Variants in CDRT4 observed in about 807,000 individuals in gnomAD.
CDRT4 encodes the protein CMT1A duplicated region transcript 4.
For missense variants in CDRT4, 167 were observed against 193.1 expected, an observed-to-expected ratio of 0.87 and a Z score of 0.80; for synonymous variants, 64 against 69.6, an observed-to-expected ratio of 0.92 and a Z score of 0.40.
chr17:15,451,939 C>G (rs1041297967), intron 2 of CDRT4, among the ~76,000 whole-genome samples: 1 of 152,222 alleles, frequency 6.6e-6, no homozygotes, highest in African/African-American at 2.4e-5. Flanking sequence ...TGTCCCCAGG[C>G]TCTTGGGTCA....
chr17:15,456,563 TACACACACAC>T (rs3029212), intron 1 of CDRT4, among the ~76,000 whole-genome samples: 1 of 145,612 alleles, frequency 6.9e-6, no homozygotes, highest in Admixed American at 6.8e-5. Context: ...AATCTTCCTT[TACACACACAC>T]ACACACACAC....
chr17:15,443,212 A>T (rs1312747516), intron 2 of CDRT4, among the ~76,000 whole-genome samples: 1 of 152,114 alleles, frequency 6.6e-6, no homozygotes, highest in Non-Finnish European at 1.5e-5. Context: ...CTCAGTTGTC[A>T]CTTACAAAAT....
intron 1 of CDRT4, among the ~76,000 whole-genome samples, chr17:15,459,201 T>C (rs1979626085): frequency 6.6e-6 from 1 of 152,120 alleles, no homozygotes; most frequent in African/African-American, 2.4e-5. Context: ...TCTAAAACTT[T>C]TTTTGCAGAA....
chr17:15,465,103 A>C (rs1979948294), intron 1 of CDRT4, among the ~76,000 whole-genome samples: 1 of 144,764 alleles, frequency 6.9e-6, no homozygotes, highest in Non-Finnish European at 1.5e-5. Context: ...ACACAGACAC[A>C]CACCAACACA....
At chr17:15,453,837 C>T (rs1407816940) in intron 1 of CDRT4, among the ~76,000 whole-genome samples, 8 of 152,160 alleles carry the variant, frequency 5.3e-5, no homozygotes, top group East Asian at 1.9e-4. Flanking sequence ...CAGAAGCCTC[C>T]GTGTTCTTAT....
At chr17:15,438,595 T>A (rs1303334433) in intron 3 of CDRT4, among the ~76,000 whole-genome samples, 1 of 152,224 alleles carries the variant, frequency 6.6e-6, no homozygotes, top group Non-Finnish European at 1.5e-5. Context: ...ATGGGTTCTG[T>A]ACTTGTCTGC....
intron 1 of CDRT4, among the ~76,000 whole-genome samples, chr17:15,465,807 G>GA (rs1396107392): frequency 2.0e-5 from 3 of 152,340 alleles, no homozygotes; most frequent in Middle Eastern, 3.4e-3. Flanking sequence ...GGAAGAGGGG[G>GA]AGGGAGCCTG....
At chr17:15,465,142 C>T (rs1254994323) in intron 1 of CDRT4, among the ~76,000 whole-genome samples, 1 of 132,538 alleles carries the variant, frequency 7.5e-6, no homozygotes, top group Non-Finnish European at 1.5e-5. Context: ...GATACAAACA[C>T]AGACACACCA....
At chr17:15,443,981 T>C (rs574391206) in intron 2 of CDRT4, 2 of 724,080 alleles carry the variant, frequency 2.8e-6, no homozygotes, top group South Asian at 2.8e-5. Flanking sequence ...ATTTCTTGGG[T>C]GAAAAATACA....
intron 1 of CDRT4, among the ~76,000 whole-genome samples, chr17:15,456,218 A>G (rs1979474237): frequency 6.6e-6 from 1 of 152,152 alleles, no homozygotes; most frequent in Non-Finnish European, 1.5e-5. Flanking sequence ...CCCTTCCAAC[A>G]AAGCAGATTT....
chr17:15,440,061 AC>A, intron 3 of CDRT4, 146 bp downstream of exon 3: 2 of 633,922 alleles, frequency 3.2e-6, no homozygotes, highest in Non-Finnish European at 4.8e-6. Context: ...CACGTTGTGC[AC>A]ATGTACCCTA....
chr17:15,452,711 T>TC (rs1253006017), intron 2 of CDRT4: 1 of 152,226 alleles, frequency 6.6e-6, no homozygotes, highest in Non-Finnish European at 1.5e-5. Context: ...CCAGGACGGC[T>TC]CCAGTGATAC....
chr17:15,448,658 G>A (rs778101667), intron 2 of CDRT4, among the ~76,000 whole-genome samples: 3 of 152,164 alleles, frequency 2.0e-5, no homozygotes, highest in African/African-American at 7.2e-5. Context: ...GGTTGTTCCG[G>A]AGCCTGGAGG....
At chr17:15,451,373 A>G (rs890731017) in intron 2 of CDRT4, among the ~76,000 whole-genome samples, 1 of 152,206 alleles carries the variant, frequency 6.6e-6, no homozygotes, top group African/African-American at 2.4e-5. Flanking sequence ...TAGCAGTATG[A>G]AAATGGACTA....
At chr17:15,443,579 A>G (rs186397641) in intron 2 of CDRT4, 12 of 290,980 alleles carry the variant, frequency 4.1e-5, no homozygotes, top group African/African-American at 1.6e-4. Flanking sequence ...CATAACACCT[A>G]GCCCACAGTT....
chr17:15,461,661 C>T (rs2150799534), intron 1 of CDRT4, among the ~76,000 whole-genome samples: 1 of 152,268 alleles, frequency 6.6e-6, no homozygotes, highest in African/African-American at 2.4e-5. Flanking sequence ...CATCTAGGGA[C>T]CACATTTTGA....
chr17:15,443,231 G>A (rs1351537897), intron 2 of CDRT4, among the ~76,000 whole-genome samples: 1 of 151,872 alleles, frequency 6.6e-6, no homozygotes, highest in Admixed American at 6.6e-5. Context: ...ATGAGGAAGA[G>A]GATGAACTCC....
intron 2 of CDRT4, among the ~76,000 whole-genome samples, chr17:15,447,605 G>A (rs909617064): frequency 1.3e-5 from 2 of 152,122 alleles, no homozygotes; most frequent in Non-Finnish European, 2.9e-5. Flanking sequence ...ATACTTATCA[G>A]GTACAACCAT....
intron 1 of CDRT4, among the ~76,000 whole-genome samples, chr17:15,454,925 G>A (rs1376414459): frequency 6.6e-6 from 1 of 152,132 alleles, no homozygotes; most frequent in Admixed American, 6.5e-5. Context: ...TGATCCATAA[G>A]GAGCTTTGTA....
Sources: allele counts gnomAD v4.1 joint callset (sites outside exome capture counted in the v4.1 genomes callset), GRCh38; gene constraint gnomAD v4.1.1; transcripts MANE v1.5; gene names NCBI Gene and HGNC (gene_info 2026-07-23, HGNC 2026-07-21).